WDR59: variants seen among roughly 807,000 people sequenced by gnomAD.
WDR59 encodes WD repeat domain 59, also known as GATOR2 complex protein WDR59.
Under a neutral mutation model 131.2 loss-of-function variants are expected in WDR59, and 100 were observed. The observed-to-expected ratio is 0.76, with a 90% CI of 0.65 to 0.90. The LOEUF is 0.90. Ranked by LOEUF, WDR59 falls within the 40% of genes least tolerant of loss-of-function variation. WDR59 has a pLI of 0.00. For missense variants in WDR59, 1,203 were observed against 1,262.2 expected (o/e 0.95, Z 0.71); for synonymous variants, 601 against 466.2 (o/e 1.29, Z -3.72).
At chr16:74,910,660 T>A (rs890846950) in intron 14 of WDR59, among the ~76,000 whole-genome samples, 3 of 152,214 alleles carry the variant, frequency 2.0e-5, no homozygotes, top group Non-Finnish European at 4.4e-5. Context: ...TTTTTGTCCT[T>A]CAAAAGTATA....
At chr16:74,937,268 G>A (rs907907020) in intron 8 of WDR59, among the ~76,000 whole-genome samples, 3 of 152,158 alleles carry the variant, frequency 2.0e-5, no homozygotes, top group Non-Finnish European at 4.4e-5. Flanking sequence ...AAAATCTTGA[G>A]CATTTCCTGT....
intron 18 of WDR59, among the ~76,000 whole-genome samples, chr16:74,901,511 A>G (rs1170980779): frequency 2.6e-5 from 4 of 151,414 alleles, no homozygotes; most frequent in Non-Finnish European, 5.9e-5. Context: ...GATGTGGTGT[A>G]CTCTTGTAGT....
At chr16:74,965,052 A>T (rs1174190730) in intron 2 of WDR59, among the ~76,000 whole-genome samples, 1 of 152,064 alleles carries the variant, frequency 6.6e-6, no homozygotes, top group East Asian at 1.9e-4. Flanking sequence ...CGACAAGAGC[A>T]AAACTCCGTC....
intron 21 of WDR59, 124 bp from the exon 22 acceptor site, chr16:74,888,443 A>C: frequency 9.7e-7 from 1 of 1,034,240 alleles, no homozygotes; most frequent in Non-Finnish European, 1.4e-6. Context: ...CTGCCTCAAA[A>C]ACCCATCAGG....
intron 10 of WDR59, among the ~76,000 whole-genome samples, chr16:74,921,195 G>A (rs2030187049): frequency 1.3e-5 from 2 of 151,840 alleles, no homozygotes; most frequent in Admixed American, 1.3e-4. Flanking sequence ...CATCACCCAG[G>A]TACTAAGCCT....
intron 2 of WDR59, among the ~76,000 whole-genome samples, chr16:74,963,928 A>G (rs1046893533): frequency 1.3e-5 from 2 of 150,678 alleles, no homozygotes; most frequent in Admixed American, 6.6e-5. Context: ...AAAGGGAGAA[A>G]GAGAGAGAGA....
At chr16:74,977,475 T>A (rs2034233722) in intron 1 of WDR59, among the ~76,000 whole-genome samples, 1 of 151,672 alleles carries the variant, frequency 6.6e-6, no homozygotes, top group Non-Finnish European at 1.5e-5. Flanking sequence ...GATCACGATG[T>A]CAGGAGATCG....
chr16:74,920,153 T>G (rs1253888576), intron 10 of WDR59, among the ~76,000 whole-genome samples: 4 of 149,756 alleles, frequency 2.7e-5, no homozygotes, highest in African/African-American at 9.9e-5. Flanking sequence ...AGAAGTAAAA[T>G]ACAGATGGTT....
chr16:74,912,240 G>T lies in WDR59; in HGVS notation c.1347C>A (p.Asn449Lys). Residue 449 changes from asparagine (N) to lysine (K), a missense_variant, in exon 14 of 26, where the codon AAC becomes AAA. Coordinates refer to ENST00000262144, the MANE Select transcript of WDR59 (RefSeq NM_030581.4). ...TCATGGTGGATGTGATGGTTGTGGG[G>T]TTAATAAACTGGAAGGAAGGGGCGG... ...NNAAPSFQFI[N>K]PTTITSTMKA... is the part of the protein sequence containing the mutation. The T allele has an allele frequency of 6.2e-7, 1 of 1,614,168 alleles. No homozygotes were observed.
rs991014065 is a variant in WDR59, at chr16:74,948,465, G to T, written c.445+54C>A. 6 of 1,529,282 alleles carry T rather than the reference G, an allele frequency of 3.9e-6. No homozygotes were observed. The African/African-American group carries it at 8.2e-5, about 21-fold the overall frequency. The allele number at this position is 1,529,282 out of a possible 1,614,324, so 94.7% of individuals were successfully genotyped here. On this transcript the variant is annotated intron_variant, in intron 6 of 25. Transcript: ENST00000262144. ...AGGAACGGGAAAGAACTGGAAGGAA[G>T]AAAATGAAGACAAACCAAGGCGCCA...
intron 8 of WDR59, among the ~76,000 whole-genome samples, chr16:74,933,410 G>C (rs941713177): frequency 1.3e-5 from 2 of 152,164 alleles, no homozygotes; most frequent in Non-Finnish European, 2.9e-5. Flanking sequence ...TCTACACCTA[G>C]AGAGCAGAGA....
At chr16:74,941,340 CAA>C (rs71378720) in intron 7 of WDR59, among the ~76,000 whole-genome samples, 15 of 109,870 alleles carry the variant, frequency 1.4e-4, no homozygotes, top group Non-Finnish European at 1.3e-4. Flanking sequence ...GGCTCCATCT[CAA>C]AAAAAAAAAA....
intron 6 of WDR59, among the ~76,000 whole-genome samples, chr16:74,943,970 GA>G (rs1285296402): frequency 2.0e-5 from 3 of 152,192 alleles, no homozygotes; most frequent in African/African-American, 7.2e-5. Flanking sequence ...ATGAAGCAAG[GA>G]AGAGTATTAG....
chr16:74,954,056 G>C (rs1387615283), intron 3 of WDR59, among the ~76,000 whole-genome samples: 1 of 151,386 alleles, frequency 6.6e-6, no homozygotes, highest in Non-Finnish European at 1.5e-5. Context: ...CCAAAAAAAT[G>C]ACATATACGT....
At chr16:74,914,939 T>C (rs542829474) in intron 13 of WDR59, among the ~76,000 whole-genome samples, 1 of 152,302 alleles carries the variant, frequency 6.6e-6, no homozygotes, top group East Asian at 1.9e-4. Flanking sequence ...TAACAGCACA[T>C]ATTTGGGTAA....
intron 1 of WDR59, among the ~76,000 whole-genome samples, chr16:74,981,585 A>AT (rs1361913080): frequency 7.7e-5 from 10 of 129,988 alleles, no homozygotes; most frequent in African/African-American, 2.4e-4. Flanking sequence ...TATTTTTTGT[A>AT]TTTTTTTAGA....
chr16:74,879,599 A>T lies in WDR59; in HGVS notation c.2690-5155T>A, dbSNP rs142709908. 2.0e-5 allele frequency among the ~76,000 whole-genome samples: 3 copies of T among 152,294 alleles called. No homozygotes were observed. The East Asian group carries it at 5.8e-4, about 29-fold the overall frequency. ...ATCTATTTTCTACTAGAAAGGAGAA[A>T]ACATTCTTTCTTCTTTCTTGCTCCA... On this transcript the variant is annotated intron_variant, in intron 25 of 25. Transcript: ENST00000262144.
intron 18 of WDR59, among the ~76,000 whole-genome samples, chr16:74,898,192 C>T (rs1965381911): frequency 6.6e-6 from 1 of 152,184 alleles, no homozygotes; most frequent in Non-Finnish European, 1.5e-5. Flanking sequence ...CCTCTGGTTC[C>T]AGAGCATACT....
chr16:74,942,960 C>A, intron 6 of WDR59, 134 bp from the exon 7 acceptor site: 1 of 703,482 alleles, frequency 1.4e-6, no homozygotes. Context: ...GTGACTGCAC[C>A]AACTCCACTA....
Sources: gnomAD v4.1 joint callset for allele counts (sites outside exome capture counted in the v4.1 genomes callset) on GRCh38, gnomAD v4.1.1 for gene constraint, MANE v1.5 for transcripts, NCBI Gene and HGNC (gene_info 2026-07-23, HGNC 2026-07-21) for gene names.